Variants in ASTN2 observed in about 807,000 individuals in gnomAD.
The protein encoded by ASTN2 is astrotactin 2, also known as astrotactin-2.
A neutral mutation model predicts 139.8 loss-of-function variants in ASTN2; 54 were observed. The observed-to-expected ratio is 0.39, with a 90% CI of 0.31 to 0.48. The LOEUF (loss-of-function observed/expected upper bound fraction) is 0.48, where lower values mean the gene tolerates loss of function less well. Ranked by LOEUF, ASTN2 falls within the 20% of genes least tolerant of loss-of-function variation. ASTN2 has a pLI of 0.95. For synonymous variants in ASTN2, 756 were observed against 719.5 expected, an observed-to-expected ratio of 1.05 and a Z score of -0.81; for missense variants, 1,565 against 1,725.1, an observed-to-expected ratio of 0.91 and a Z score of 1.64.
intron 2 of ASTN2, among the ~76,000 whole-genome samples, chr9:117,215,482 T>TATATATAA (rs1832286534): frequency 6.7e-6 from 1 of 148,638 alleles, no homozygotes; most frequent in African/African-American, 2.5e-5. Flanking sequence ...TATATATATA[T>TATATATAA]AATGTGTATA....
At chr9:116,765,531 C>T (rs372461653) in intron 13 of ASTN2, among the ~76,000 whole-genome samples, 1 of 152,092 alleles carries the variant, frequency 6.6e-6, no homozygotes, top group African/African-American at 2.4e-5. Context: ...AGAAGACAAG[C>T]AGACAAGTGT....
In ASTN2 at chr9:117,000,189, C is replaced by T. The variant is rs186240642; in HGVS notation, c.1591+7903G>A. 4.5e-4 allele frequency among the ~76,000 whole-genome samples: 68 copies of T among 152,248 alleles called. 1 individual carries two copies. Among genetic ancestry groups the T allele is most frequent in the African/African-American group, 1.5e-3 (62 of 41,560 alleles). On this transcript the variant is annotated intron_variant, in intron 7 of 22. Transcript: ENST00000313400. ...TTTTAAATTTTATTTTTCATCTCAT[C>T]CTTATGACAACTCTAAAAAGTTGAA...
At chr9:116,462,610 C>G (rs1455307558) in intron 20 of ASTN2, among the ~76,000 whole-genome samples, 1 of 152,136 alleles carries the variant, frequency 6.6e-6, no homozygotes, top group East Asian at 1.9e-4. Context: ...TCTAAACTCA[C>G]TGTTGACTCC....
intron 19 of ASTN2, among the ~76,000 whole-genome samples, chr9:116,594,718 T>C (rs1854497787): frequency 6.6e-6 from 1 of 152,172 alleles, no homozygotes; most frequent in African/African-American, 2.4e-5. Flanking sequence ...TCCTAAGGCA[T>C]GATTCATCAT....
chr9:117,031,800 C>T (rs932357036), intron 6 of ASTN2, among the ~76,000 whole-genome samples: 2 of 151,870 alleles, frequency 1.3e-5, no homozygotes, highest in Middle Eastern at 3.2e-3. Flanking sequence ...GGTGGTGTGA[C>T]GTAAGACTGG....
chr9:116,920,550 A>G (rs767857768), intron 10 of ASTN2, among the ~76,000 whole-genome samples: 2 of 152,300 alleles, frequency 1.3e-5, no homozygotes, highest in South Asian at 2.1e-4. Context: ...TAATAGTACA[A>G]AGAAAAATGC....
chr9:116,824,148 T>C (rs910455129), intron 11 of ASTN2, among the ~76,000 whole-genome samples: 1 of 152,184 alleles, frequency 6.6e-6, no homozygotes, highest in Non-Finnish European at 1.5e-5. Flanking sequence ...TGTATAACCT[T>C]CAGGCAGTGA....
chr9:117,413,965 C>G (rs767053217), intron 1 of ASTN2, among the ~76,000 whole-genome samples: 8 of 152,306 alleles, frequency 5.3e-5, no homozygotes, highest in African/African-American at 1.9e-4. Context: ...GTCACTCAGC[C>G]CATGCGGAAG....
At chr9:117,174,845 A>G (rs1830878620) in intron 3 of ASTN2, among the ~76,000 whole-genome samples, 2 of 151,946 alleles carry the variant, frequency 1.3e-5, no homozygotes, top group Non-Finnish European at 2.9e-5. Flanking sequence ...AAAACCTAAC[A>G]CTCTATCATT....
At chr9:116,929,600 CT>C (rs1372502694) in intron 10 of ASTN2, among the ~76,000 whole-genome samples, 3 of 152,150 alleles carry the variant, frequency 2.0e-5, no homozygotes, top group African/African-American at 4.8e-5. Context: ...TCCATGGTGC[CT>C]TTGGGAAACA....
At chr9:117,046,707 A>C (rs1838754450) in intron 5 of ASTN2, among the ~76,000 whole-genome samples, 1 of 152,190 alleles carries the variant, frequency 6.6e-6, no homozygotes, top group Non-Finnish European at 1.5e-5. Context: ...ATTGGGAATT[A>C]GTTCATCCAA....
chr9:117,068,949 C>A (rs1296246013), intron 5 of ASTN2, among the ~76,000 whole-genome samples: 2 of 103,466 alleles, frequency 1.9e-5, no homozygotes, highest in Non-Finnish European at 4.0e-5. Flanking sequence ...TTGATCCTTT[C>A]AAAAAACCAG....
At chr9:116,777,241 T>C (rs1366529386) in intron 13 of ASTN2, among the ~76,000 whole-genome samples, 2 of 152,090 alleles carry the variant, frequency 1.3e-5, no homozygotes. Flanking sequence ...AGACAAGAAA[T>C]GCAGACATCC....
chr9:116,872,616 GGACCAC>G (rs1245906977), intron 10 of ASTN2, among the ~76,000 whole-genome samples: 2 of 152,142 alleles, frequency 1.3e-5, no homozygotes. Context: ...TGAGGCCACA[GGACCAC>G]AAAGATGACT....
chr9:116,614,882 TTAAAC>T (rs1413312235), intron 19 of ASTN2, among the ~76,000 whole-genome samples: 1 of 152,116 alleles, frequency 6.6e-6, no homozygotes, highest in East Asian at 1.9e-4. Flanking sequence ...TGGGATCTAA[TTAAAC>T]TAAAGAGCTT....
At chr9:116,860,565 G>C (rs975583082) in intron 11 of ASTN2, among the ~76,000 whole-genome samples, 4 of 152,150 alleles carry the variant, frequency 2.6e-5, no homozygotes, top group Non-Finnish European at 5.9e-5. Flanking sequence ...CTAAATCCAG[G>C]CTTTAGCCCA....
intron 3 of ASTN2, among the ~76,000 whole-genome samples, chr9:117,171,431 G>T (rs1830790604): frequency 6.6e-6 from 1 of 152,116 alleles, no homozygotes; most frequent in Non-Finnish European, 1.5e-5. Flanking sequence ...TCAAAGCACT[G>T]GTGTTAATGT....
intron 16 of ASTN2, among the ~76,000 whole-genome samples, chr9:116,657,634 A>C (rs1407185567): frequency 6.6e-6 from 1 of 152,184 alleles, no homozygotes; most frequent in Non-Finnish European, 1.5e-5. Context: ...TGAGCTCAGG[A>C]GTTTGAAACC....
chr9:116,462,206 T>C (rs2118970371), intron 20 of ASTN2, among the ~76,000 whole-genome samples: 1 of 152,310 alleles, frequency 6.6e-6, no homozygotes, highest in Middle Eastern at 3.4e-3. Context: ...ACCTTTGAAC[T>C]GATGAAGCAC....
Sources: gnomAD v4.1 joint callset for allele counts (sites outside exome capture counted in the v4.1 genomes callset) on GRCh38, gnomAD v4.1.1 for gene constraint, MANE v1.5 for transcripts, NCBI Gene and HGNC (gene_info 2026-07-23, HGNC 2026-07-21) for gene names.